PCSK2: variants seen among roughly 807,000 people sequenced by gnomAD.
The protein encoded by PCSK2 is neuroendocrine convertase 2.
PCSK2 carries 14 observed loss-of-function variants against 69.7 expected under a neutral mutation model. The ratio of observed to expected loss-of-function variants is 0.20; its 90% CI spans 0.13 to 0.31. PCSK2 has a LOEUF of 0.31. PCSK2 is among the 10% of genes least tolerant of loss of function. The probability of loss-of-function intolerance (pLI) is 1.00; values close to 1 mark genes in which losing one functional copy is unlikely to be tolerated. For synonymous variants in PCSK2, 307 were observed against 320.7 expected (o/e 0.96, Z 0.46); for missense variants, 544 against 842.5 (o/e 0.65, Z 4.39).
At chr20:17,314,339 G>T (rs1385196943) in intron 2 of PCSK2, among the ~76,000 whole-genome samples, 2 of 152,168 alleles carry the variant, frequency 1.3e-5, no homozygotes, top group Non-Finnish European at 2.9e-5. Flanking sequence ...GAGACATCTA[G>T]ACTCAAACCC....
chr20:17,444,573 G>A (rs1482742170), intron 8 of PCSK2, among the ~76,000 whole-genome samples: 1 of 152,188 alleles, frequency 6.6e-6, no homozygotes, highest in Non-Finnish European at 1.5e-5. Context: ...TTACCAGAGG[G>A]TTCAATAATT....
At chr20:17,247,639 G>T (rs1047034779) in intron 1 of PCSK2, among the ~76,000 whole-genome samples, 1 of 152,178 alleles carries the variant, frequency 6.6e-6, no homozygotes. Context: ...ATCCATTTGA[G>T]AATCTGTAAT....
chr20:17,240,032 T>G (rs1178266548), intron 1 of PCSK2, among the ~76,000 whole-genome samples: 1 of 151,802 alleles, frequency 6.6e-6, no homozygotes, highest in African/African-American at 2.4e-5. Flanking sequence ...TTTTGTATTT[T>G]TAGTAGAGAC....
intron 1 of PCSK2, among the ~76,000 whole-genome samples, chr20:17,239,068 C>T (rs1021411714): frequency 2.0e-5 from 3 of 152,140 alleles, no homozygotes; most frequent in Admixed American, 2.0e-4. Flanking sequence ...CTATTTAGTG[C>T]CTGTGTTAAG....
chr20:17,239,042 G>C (rs1425116553), intron 1 of PCSK2, among the ~76,000 whole-genome samples: 2 of 152,178 alleles, frequency 1.3e-5, no homozygotes, highest in African/African-American at 2.4e-5. Context: ...ATGCTAGGAA[G>C]GGTTATAGGA....
chr20:17,249,205 A>G (rs1204945312), intron 1 of PCSK2, among the ~76,000 whole-genome samples: 2 of 152,158 alleles, frequency 1.3e-5, no homozygotes, highest in Admixed American at 1.3e-4. Context: ...AATAATTTAG[A>G]CTTTAAAAAT....
At position 17,409,244 on chromosome 20, in the gene PCSK2, G is replaced by C. The variant is rs753862144; in HGVS notation, c.544-19G>C. 7 of 1,607,584 alleles carry C rather than the reference G, an allele frequency of 4.4e-6. No individual in the cohort carries two copies. In the African/African-American group the frequency reaches 6.7e-5, roughly 15 times the overall value. ...GCCTCTGGCTGTACGGACCTAATGA[G>C]ATGCCTTGTGTTTTTCAGAATGCCG... is the stretch of plus-strand genomic sequence containing the variant. On this transcript the variant is annotated intron_variant, in intron 5 of 11. Coordinates refer to ENST00000262545, the MANE Select transcript of PCSK2 (RefSeq NM_002594.5).
chr20:17,231,393 T>G (rs1891421263), intron 1 of PCSK2, among the ~76,000 whole-genome samples: 1 of 152,230 alleles, frequency 6.6e-6, no homozygotes, highest in Admixed American at 6.5e-5. Flanking sequence ...AGCACACATG[T>G]GTAACCAGCA....
intron 1 of PCSK2, among the ~76,000 whole-genome samples, chr20:17,251,739 A>G (rs1302667123): frequency 6.6e-6 from 1 of 152,198 alleles, no homozygotes; most frequent in Non-Finnish European, 1.5e-5. Flanking sequence ...CAATTTTATT[A>G]TACTCATGAA....
At chr20:17,391,384 A>G (rs555245508) in intron 5 of PCSK2, among the ~76,000 whole-genome samples, 1 of 152,332 alleles carries the variant, frequency 6.6e-6, no homozygotes, top group South Asian at 2.1e-4. Flanking sequence ...AATAAAACAC[A>G]TGATTTAAAA....
chr20:17,299,347 C>A (rs547051018), intron 2 of PCSK2, among the ~76,000 whole-genome samples: 6 of 152,126 alleles, frequency 3.9e-5, no homozygotes, highest in Non-Finnish European at 5.9e-5. Flanking sequence ...CCTGTTTCTG[C>A]AGTTTATGTC....
At position 17,453,710 on chromosome 20, in the gene PCSK2, G is replaced by A. The variant is rs1411566667; in HGVS notation, c.886-32G>A. On this transcript the variant is annotated intron_variant, in intron 8 of 11. Transcript: ENST00000262545. This position sits in a 1 kb window ranked among gnomAD's most constrained non-coding sequence, Gnocchi z 4.0. ...CTGCCCCCTCGCAGCCCAGGCTGTG[G>A]GTAGCGGCAGCGTCTCCCCTGCTCT... is the stretch of plus-strand genomic sequence containing the variant. 2 of 1,607,890 alleles carry A rather than the reference G, an allele frequency of 1.2e-6. No homozygotes were observed. Among genetic ancestry groups the A allele is most frequent in the Admixed American group, 1.7e-5 (1 of 59,958 alleles).
At chr20:17,338,539 T>G (rs2123167694) in intron 2 of PCSK2, among the ~76,000 whole-genome samples, 1 of 152,278 alleles carries the variant, frequency 6.6e-6, no homozygotes, top group South Asian at 2.1e-4. Context: ...TGTTTTCAAG[T>G]GAACTTTTTG....
chr20:17,326,074 G>C (rs1163916670), intron 2 of PCSK2, among the ~76,000 whole-genome samples: 5 of 152,222 alleles, frequency 3.3e-5, no homozygotes, highest in African/African-American at 9.6e-5. Flanking sequence ...CTGCCCCCAT[G>C]CCATTAGCCA....
intron 2 of PCSK2, among the ~76,000 whole-genome samples, chr20:17,331,767 T>TA (rs59201598): frequency 0.085 from 12,355 of 145,958 alleles, 570 homozygotes; most frequent in African/African-American, 0.12. Context: ...CTCGTGTGAT[T>TA]AAAAAAAAAA....
chr20:17,416,088 G>A (rs1236677306), intron 6 of PCSK2, among the ~76,000 whole-genome samples: 1 of 152,112 alleles, frequency 6.6e-6, no homozygotes, highest in Non-Finnish European at 1.5e-5. Context: ...GAAAACCTAG[G>A]CAATACCACT....
chr20:17,303,796 T>A (rs1294114222), intron 2 of PCSK2, among the ~76,000 whole-genome samples: 1 of 148,152 alleles, frequency 6.7e-6, no homozygotes, highest in Non-Finnish European at 1.5e-5. Context: ...AGGTTGGTCT[T>A]GAACTCCTGA....
chr20:17,458,163 A>G (rs2032955633), intron 10 of PCSK2, among the ~76,000 whole-genome samples: 2 of 152,364 alleles, frequency 1.3e-5, no homozygotes, highest in South Asian at 2.1e-4. Flanking sequence ...GGGTAAGTCC[A>G]TCACGGGAGC....
intron 2 of PCSK2, among the ~76,000 whole-genome samples, chr20:17,282,055 C>G (rs1988336306): frequency 1.3e-5 from 2 of 152,186 alleles, no homozygotes; most frequent in Admixed American, 1.3e-4. Flanking sequence ...ATTAGTCTGA[C>G]TCCACCTTTC....
Sources: allele counts gnomAD v4.1 joint callset (sites outside exome capture counted in the v4.1 genomes callset), GRCh38; gene constraint gnomAD v4.1.1; non-coding constraint Gnocchi (gnomAD v3.1); transcripts MANE v1.5; gene names NCBI Gene and HGNC (gene_info 2026-07-23, HGNC 2026-07-21).